The following OPCML variants were observed in gnomAD, a reference collection of about 807,000 sequenced individuals.
The protein encoded by OPCML is opioid-binding protein/cell adhesion molecule.
OPCML carries 13 observed loss-of-function variants against 37.8 expected under a neutral mutation model. The observed-to-expected ratio is 0.34, with a 90% CI of 0.22 to 0.55. OPCML has a LOEUF of 0.55. Among genes scored for constraint, OPCML ranks in the 20% least tolerant of loss-of-function variants. The pLI, the probability that OPCML is intolerant of heterozygous loss-of-function variation, is 0.91. For synonymous variants in OPCML, 176 were observed against 168.8 expected, an observed-to-expected ratio of 1.04 and a Z score of -0.33; for missense variants, 341 against 435.6, an observed-to-expected ratio of 0.78 and a Z score of 1.93.
At chr11:133,125,572 A>T (rs1030617059) in intron 1 of OPCML, among the ~76,000 whole-genome samples, 4 of 148,444 alleles carry the variant, frequency 2.7e-5, no homozygotes, top group African/African-American at 9.9e-5. Context: ...ATATATAAAA[A>T]ATATAGACAC....
At chr11:133,019,937 T>C (rs750086866) in intron 1 of OPCML, among the ~76,000 whole-genome samples, 1 of 152,198 alleles carries the variant, frequency 6.6e-6, no homozygotes. Context: ...AGTGCACACA[T>C]GCACATGCTG....
intron 1 of OPCML, among the ~76,000 whole-genome samples, chr11:133,227,411 G>A (rs370752681): frequency 3.9e-5 from 6 of 152,144 alleles, no homozygotes; most frequent in South Asian, 2.1e-4. Flanking sequence ...GTAATAGGGC[G>A]GTGTGCTGCC....
At chr11:132,882,023 C>T (rs1489167063) in intron 2 of OPCML, among the ~76,000 whole-genome samples, 1 of 152,184 alleles carries the variant, frequency 6.6e-6, no homozygotes, top group Non-Finnish European at 1.5e-5. Context: ...GGAGACTTAA[C>T]CCAACTTTTT....
At chr11:133,217,410 T>A (rs1209521692) in intron 1 of OPCML, among the ~76,000 whole-genome samples, 1 of 152,228 alleles carries the variant, frequency 6.6e-6, no homozygotes, top group Admixed American at 6.5e-5. Context: ...GCTCACCTTC[T>A]GGTCTTAGGT....
chr11:132,488,239 G>T (rs1478297826), intron 4 of OPCML, among the ~76,000 whole-genome samples: 1 of 152,176 alleles, frequency 6.6e-6, no homozygotes, highest in Non-Finnish European at 1.5e-5. Context: ...TATAGACAAA[G>T]TAATCAAATA....
At chr11:133,121,879 G>A (rs1359418510) in intron 1 of OPCML, among the ~76,000 whole-genome samples, 1 of 152,220 alleles carries the variant, frequency 6.6e-6, no homozygotes, top group African/African-American at 2.4e-5. Flanking sequence ...AATGCCCCAA[G>A]CGACTTCTAA....
At chr11:132,691,244 C>T (rs551999384) in intron 2 of OPCML, among the ~76,000 whole-genome samples, 2 of 152,280 alleles carry the variant, frequency 1.3e-5, no homozygotes, top group African/African-American at 4.8e-5. Flanking sequence ...TGGATGCATT[C>T]AATGGCAAGA....
At chr11:132,978,798 T>C (rs1216116745) in intron 1 of OPCML, among the ~76,000 whole-genome samples, 1 of 151,906 alleles carries the variant, frequency 6.6e-6, no homozygotes, top group Non-Finnish European at 1.5e-5. Context: ...AGATTATACA[T>C]GTGTATATAC....
intron 3 of OPCML, among the ~76,000 whole-genome samples, chr11:132,531,382 G>A (rs2096324544): frequency 6.6e-6 from 1 of 152,198 alleles, no homozygotes; most frequent in Non-Finnish European, 1.5e-5. Flanking sequence ...ATTTAATTGT[G>A]AATTATTAAT....
intron 1 of OPCML, among the ~76,000 whole-genome samples, chr11:133,521,977 G>C (rs1433732865): frequency 6.6e-6 from 1 of 152,168 alleles, no homozygotes. Context: ...CTGGCTTCCT[G>C]TTCTACATTT....
At chr11:132,495,094 C>T (rs1014492235) in intron 4 of OPCML, among the ~76,000 whole-genome samples, 20 of 151,200 alleles carry the variant, frequency 1.3e-4, no homozygotes, top group Admixed American at 1.3e-3. Context: ...TTCTTTGTAG[C>T]TTATCTGGAT....
In OPCML at chr11:132,631,352, C is replaced by CATATATATATAT. The variant is rs61450463; in HGVS notation, c.379+25723_379+25734dup. On this transcript the variant is annotated intron_variant, in intron 3 of 7. Transcript: ENST00000524381. ...TAAAAGAAAAAAATAACCATATATA[C>CATATATATATAT]ATATATATATATATATATATATATC... 8.4e-3 allele frequency among the ~76,000 whole-genome samples: 1,203 copies of CATATATATATAT among 142,594 alleles called. 8 individuals carry two copies. Among genetic ancestry groups the CATATATATATAT allele is most frequent in the African/African-American group, 0.012 (453 of 38,356 alleles). The allele number at this position is 142,594 out of a possible 152,430, so 93.5% of individuals were successfully genotyped here.
At chr11:132,914,692 G>T (rs906511010) in intron 2 of OPCML, among the ~76,000 whole-genome samples, 2 of 152,202 alleles carry the variant, frequency 1.3e-5, no homozygotes, top group Admixed American at 1.3e-4. Context: ...CTGTGGTTTG[G>T]CTGATTCCTG....
intron 4 of OPCML, among the ~76,000 whole-genome samples, chr11:132,527,943 G>C (rs2096313026): frequency 2.0e-5 from 3 of 152,110 alleles, no homozygotes; most frequent in Admixed American, 2.0e-4. Context: ...ATATTTACAA[G>C]TCAAGCAATG....
Position 132,935,860 on chromosome 11 carries a change from T to C in OPCML, c.146+7066A>G, listed in dbSNP as rs542862319. On this transcript the variant is annotated intron_variant, in intron 2 of 7. Transcript: ENST00000524381. ...CTCATTTCTTCACAGGTCTCATTGTTGGGTTCTTACCAAGAAGTGACCGGC... is the reference window on the plus strand; with the variant it reads ...CTCATTTCTTCACAGGTCTCATTGTCGGGTTCTTACCAAGAAGTGACCGGC... 7.9e-5 allele frequency among the ~76,000 whole-genome samples: 12 copies of C among 152,348 alleles called. No individual in the cohort carries two copies. The East Asian group carries it at 2.3e-3, about 29-fold the overall frequency.
chr11:132,884,898 G>A (rs75820308), intron 2 of OPCML, among the ~76,000 whole-genome samples: 22 of 152,270 alleles, frequency 1.4e-4, no homozygotes, highest in African/African-American at 3.1e-4. Flanking sequence ...ATAGGAGACC[G>A]TTGCCAAAAA....
At chr11:132,781,950 ATATATTT>A (rs1488291509) in intron 2 of OPCML, among the ~76,000 whole-genome samples, 1 of 60,366 alleles carries the variant, frequency 1.7e-5, no homozygotes, top group Non-Finnish European at 3.7e-5. Flanking sequence ...ATATATATAT[ATATATTT>A]TTTTTTTTTT....
intron 1 of OPCML, among the ~76,000 whole-genome samples, chr11:133,214,252 G>C (rs1939495169): frequency 6.6e-6 from 1 of 151,824 alleles, no homozygotes; most frequent in Non-Finnish European, 1.5e-5. Context: ...AGATTTATTG[G>C]CTGAATTTTT....
intron 3 of OPCML, among the ~76,000 whole-genome samples, chr11:132,580,673 C>T (rs1269658721): frequency 3.3e-5 from 5 of 152,194 alleles, no homozygotes; most frequent in Non-Finnish European, 5.9e-5. Flanking sequence ...CCCAAAGCTA[C>T]AGCCAAAGTA....
Sources: gnomAD v4.1 joint callset for allele counts (sites outside exome capture counted in the v4.1 genomes callset) on GRCh38, gnomAD v4.1.1 for gene constraint, MANE v1.5 for transcripts, NCBI Gene and HGNC (gene_info 2026-07-23, HGNC 2026-07-21) for gene names.